SH3KBP1: variants seen among roughly 807,000 people sequenced by gnomAD.
The protein encoded by SH3KBP1 is SH3 domain containing kinase binding protein 1.
A neutral mutation model predicts 50.1 loss-of-function variants in SH3KBP1; 8 were observed. The ratio of observed to expected loss-of-function variants is 0.16; its 90% CI spans 0.09 to 0.29. The LOEUF is 0.29. SH3KBP1 is among the 10% of genes least tolerant of loss of function. The pLI, the probability that SH3KBP1 is intolerant of heterozygous loss-of-function variation, is 1.00. For missense variants in SH3KBP1, 377 were observed against 535.2 expected, an observed-to-expected ratio of 0.70 and a Z score of 2.92; for synonymous variants, 227 against 218.6, an observed-to-expected ratio of 1.04 and a Z score of -0.34.
At chrX:19,806,988 T>C (rs1275572532) in intron 2 of SH3KBP1, among the ~76,000 whole-genome samples, 2 of 112,114 alleles carry the variant, frequency 1.8e-5, no homozygotes, top group South Asian at 3.7e-4. Flanking sequence ...TTAATAGATC[T>C]GCAATCTTCA....
At chrX:19,659,109 A>ATTTTT (rs147804094) in intron 6 of SH3KBP1, among the ~76,000 whole-genome samples, 2 of 57,331 alleles carry the variant, frequency 3.5e-5, no homozygotes, top group African/African-American at 5.7e-5. Context: ...TGCCCAGCTA[A>ATTTTT]TTTTTTTTTT....
At chrX:19,835,642 A>C (rs1011024989) in intron 2 of SH3KBP1, among the ~76,000 whole-genome samples, 2 of 106,718 alleles carry the variant, frequency 1.9e-5, no homozygotes, top group Admixed American at 2.0e-4. Context: ...GCAGTGGCGC[A>C]ATCTCAGCTC....
At chrX:19,731,748 C>G (rs969013169) in intron 3 of SH3KBP1, among the ~76,000 whole-genome samples, 1 of 112,042 alleles carries the variant, frequency 8.9e-6, no homozygotes, top group Non-Finnish European at 1.9e-5. Context: ...CAAGCATATA[C>G]TTCATTCAAC....
chrX:19,542,236 GTGTGCTGCGTCTT>G (rs749699160), intron 15 of SH3KBP1, 43 bp from the exon 16 acceptor site: 8 of 1,116,036 alleles, frequency 7.2e-6, no homozygotes, highest in Non-Finnish European at 7.1e-6. Flanking sequence ...CCGGGGATTT[GTGTGCTGCGTCTT>G]TGTCCTGGTT....
intron 1 of SH3KBP1, among the ~76,000 whole-genome samples, chrX:19,874,034 G>A (rs1248867249): frequency 1.6e-5 from 1 of 62,984 alleles, no homozygotes; most frequent in Non-Finnish European, 2.6e-5. Context: ...GGGCAACAGA[G>A]TGAGAGTCCA....
At chrX:19,654,497 C>T (rs888722045) in intron 6 of SH3KBP1, among the ~76,000 whole-genome samples, 1 of 111,552 alleles carries the variant, frequency 9.0e-6, no homozygotes, top group Non-Finnish European at 1.9e-5. Flanking sequence ...TTATATTTTA[C>T]CCCCACTGTT....
chrX:19,642,239 C>A (rs1314544257), intron 7 of SH3KBP1, among the ~76,000 whole-genome samples: 1 of 111,878 alleles, frequency 8.9e-6, no homozygotes, highest in African/African-American at 3.3e-5. Context: ...TATGTGCCCA[C>A]TGAATCCATG....
intron 2 of SH3KBP1, among the ~76,000 whole-genome samples, chrX:19,823,768 G>A (rs1009554658): frequency 8.9e-6 from 1 of 112,361 alleles, no homozygotes; most frequent in African/African-American, 3.2e-5. Flanking sequence ...GGTATAGAGT[G>A]GGATGGAGAA....
At chrX:19,722,973 A>AAAAAC (rs1263375946) in intron 3 of SH3KBP1, among the ~76,000 whole-genome samples, 3 of 109,665 alleles carry the variant, frequency 2.7e-5, no homozygotes, top group Admixed American at 9.7e-5. Context: ...CATCTCCACA[A>AAAAAC]AAAACAAAAC....
intron 1 of SH3KBP1, among the ~76,000 whole-genome samples, chrX:19,878,505 T>TGTGTGTGTGTGAGAGA (rs1491094714): frequency 3.6e-3 from 173 of 48,227 alleles, no homozygotes; most frequent in Non-Finnish European, 6.0e-3. Flanking sequence ...TGTGTGTGTG[T>TGTGTGTGTGTGAGAGA]GAGAGAGAGA....
chrX:19,688,192 A>T (rs1427958248), intron 5 of SH3KBP1, among the ~76,000 whole-genome samples: 1 of 111,894 alleles, frequency 8.9e-6, no homozygotes, highest in Non-Finnish European at 1.9e-5. Flanking sequence ...TGTCCCCAAG[A>T]TTCTAAACAA....
At chrX:19,555,137 T>C (rs2065450461) in intron 13 of SH3KBP1, among the ~76,000 whole-genome samples, 1 of 112,919 alleles carries the variant, frequency 8.9e-6, no homozygotes, top group Admixed American at 9.4e-5. Context: ...AAGGTTTTAA[T>C]GCCCATAAGT....
At chrX:19,878,507 A>G (rs58837752) in intron 1 of SH3KBP1, among the ~76,000 whole-genome samples, 3 of 68,062 alleles carry the variant, frequency 4.4e-5, no homozygotes, top group African/African-American at 4.2e-4. Context: ...TGTGTGTGTG[A>G]GAGAGAGAGA....
At chrX:19,766,544 G>T (rs190355449) in intron 2 of SH3KBP1, among the ~76,000 whole-genome samples, 1 of 71,731 alleles carries the variant, frequency 1.4e-5, no homozygotes, top group Non-Finnish European at 2.4e-5. Context: ...TTGCTCCGTC[G>T]CCCAGGCTGG....
At chrX:19,638,411 A>C (rs1453796569) in intron 7 of SH3KBP1, among the ~76,000 whole-genome samples, 2 of 107,780 alleles carry the variant, frequency 1.9e-5, no homozygotes, top group Non-Finnish European at 3.9e-5. Context: ...TCCGTCTCAA[A>C]AAAAAAAAAA....
intron 6 of SH3KBP1, among the ~76,000 whole-genome samples, chrX:19,649,421 C>T (rs192234341): frequency 1.8e-5 from 2 of 111,413 alleles, no homozygotes; most frequent in East Asian, 5.7e-4. Flanking sequence ...GTCAGATCTG[C>T]TTGGTCTGGG....
chrX:19,662,695 C>G (rs369005383), intron 6 of SH3KBP1, among the ~76,000 whole-genome samples: 2 of 111,509 alleles, frequency 1.8e-5, no homozygotes, highest in East Asian at 5.6e-4. Flanking sequence ...CTATTTACTT[C>G]AGTATATCAT....
At chrX:19,709,598 C>T (rs891944691) in intron 3 of SH3KBP1, among the ~76,000 whole-genome samples, 4 of 111,873 alleles carry the variant, frequency 3.6e-5, no homozygotes, top group African/African-American at 6.5e-5. Flanking sequence ...TCTCTGCAAT[C>T]TGTACTCAAC....
chrX:19,764,203 G>A (rs893361127), intron 2 of SH3KBP1, among the ~76,000 whole-genome samples: 2 of 110,485 alleles, frequency 1.8e-5, no homozygotes, highest in Non-Finnish European at 3.8e-5. Context: ...TAGGAGCCTG[G>A]TTTCCAAAGC....
Sources: allele counts gnomAD v4.1 joint callset (sites outside exome capture counted in the v4.1 genomes callset), GRCh38; gene constraint gnomAD v4.1.1; transcripts MANE v1.5; gene names NCBI Gene and HGNC (gene_info 2026-07-23, HGNC 2026-07-21).